PLXND1: variants seen among roughly 807,000 people sequenced by gnomAD.
The protein encoded by PLXND1 is plexin-D1.
A neutral mutation model predicts 197.7 loss-of-function variants in PLXND1; 54 were observed. That is an observed-to-expected ratio of 0.27 (90% CI 0.22 to 0.34). PLXND1 has a LOEUF of 0.34. PLXND1 is among the 10% of genes least tolerant of loss of function. The pLI is 1.00. For synonymous variants in PLXND1, 1,180 were observed against 1,161.2 expected (o/e 1.02, Z -0.33); for missense variants, 2,127 against 2,699.2 (o/e 0.79, Z 4.70).
At chr3:129,592,624 C>G (rs1021145413) in intron 1 of PLXND1, among the ~76,000 whole-genome samples, 2 of 152,152 alleles carry the variant, frequency 1.3e-5, no homozygotes, top group African/African-American at 2.4e-5. Context: ...CCCCCTCCCC[C>G]ACCCCGCGCT....
At position 129,569,939 on chromosome 3, in the gene PLXND1, T is replaced by C. The variant is rs1560065131; in HGVS notation, c.3769A>G (p.Asn1257Asp). Residue 1257 changes from asparagine (N) to aspartate (D), a missense_variant, in exon 20 of 36, where the codon AAC becomes GAC. By Grantham distance (23) the Asn-to-Asp change is conservative. Transcript: ENST00000324093. ...LPITIQVGNF[N>D]QTIATLQLGG... ...AGCTGCAGTGTGGCGATGGTCTGGTTGAAGTTCCCTACCTGGATCTGTGCA... is the reference window on the plus strand; with the variant it reads ...AGCTGCAGTGTGGCGATGGTCTGGTCGAAGTTCCCTACCTGGATCTGTGCA... The C allele has an allele frequency of 2.5e-6, 4 of 1,608,964 alleles. No individual in the cohort carries two copies. Among genetic ancestry groups the C allele is most frequent in the Non-Finnish European group, 3.4e-6 (4 of 1,175,518 alleles).
intron 1 of PLXND1, among the ~76,000 whole-genome samples, chr3:129,598,200 C>T (rs565691364): frequency 2.8e-4 from 43 of 152,334 alleles, no homozygotes; most frequent in African/African-American, 9.6e-4. Flanking sequence ...GCCTTTGCCC[C>T]TATCGTGTGC....
intron 1 of PLXND1, among the ~76,000 whole-genome samples, chr3:129,601,729 C>T (rs1191203067): frequency 2.6e-5 from 4 of 152,166 alleles, no homozygotes; most frequent in Admixed American, 6.5e-5. Context: ...TGTTGCTGAG[C>T]CTGACTCTGG....
At position 129,556,170 on chromosome 3, in the gene PLXND1, C is replaced by G; in HGVS notation, c.*142G>C. 1 of 687,262 alleles carries G rather than the reference C, an allele frequency of 1.5e-6. No individual in the cohort carries two copies. The highest frequency in any genetic ancestry group is 1.7e-5 in the South Asian group (1 of 60,244). The allele number at this position is 687,262 out of a possible 1,614,324, so 42.6% of individuals were successfully genotyped here. A position where few individuals can be genotyped will look rare whatever the true frequency, so the allele number is the denominator to read the frequency against. ...GCGGGGGCGCCCCTGTCTCAGAGAG[C>G]AGCCCCTCCTCCTGCCCCCGCCCCA... On this transcript the variant is annotated 3_prime_UTR_variant, in exon 36 of 36. Transcript: ENST00000324093.
At chr3:129,600,337 C>T (rs1368159151) in intron 1 of PLXND1, among the ~76,000 whole-genome samples, 4 of 152,220 alleles carry the variant, frequency 2.6e-5, no homozygotes, top group Admixed American at 1.3e-4. Context: ...CCTCTTGATA[C>T]TAATACCTGT....
At chr3:129,602,699 G>A (rs909414172) in intron 1 of PLXND1, among the ~76,000 whole-genome samples, 2 of 152,150 alleles carry the variant, frequency 1.3e-5, no homozygotes, top group Non-Finnish European at 2.9e-5. Flanking sequence ...AGCCAGATTA[G>A]GCAACTGCTC....
At chr3:129,598,442 A>C (rs1169171645) in intron 1 of PLXND1, among the ~76,000 whole-genome samples, 2 of 151,596 alleles carry the variant, frequency 1.3e-5, no homozygotes, top group African/African-American at 2.4e-5. Flanking sequence ...TACTCTAGAG[A>C]GCTCCCCACC....
At chr3:129,563,320 C>G in intron 25 of PLXND1, 80 bp from the exon 26 acceptor site, 1 of 1,221,614 alleles carries the variant, frequency 8.2e-7, no homozygotes, top group South Asian at 1.5e-5. Flanking sequence ...CCTTCACGCC[C>G]CCGTCCCCCA....
At chr3:129,568,954 C>A (rs2085181946) in intron 20 of PLXND1, among the ~76,000 whole-genome samples, 1 of 152,224 alleles carries the variant, frequency 6.6e-6, no homozygotes, top group Non-Finnish European at 1.5e-5. Context: ...AGCAGTCACT[C>A]CCCATTCGTG....
At position 129,575,866 on chromosome 3, in the gene PLXND1, C is replaced by T. The variant is rs1000078489; in HGVS notation, c.2347-11G>A. 36 of 1,585,136 alleles carry T rather than the reference C, an allele frequency of 2.3e-5. No homozygotes were observed. The highest frequency in any genetic ancestry group is 3.1e-5 in the Non-Finnish European group (36 of 1,154,792). On this transcript the variant is annotated splice_polypyrimidine_tract_variant and intron_variant, in intron 9 of 35. Transcript: ENST00000324093. ...CTCCAGGGCTGCACCCTGTGGGAAA[C>T]AGGGAGTGGGAGGCGGGTTTGAGGA...
intron 8 of PLXND1, 21 bp downstream of exon 8, chr3:129,583,546 G>C: frequency 6.5e-7 from 1 of 1,537,568 alleles, no homozygotes; most frequent in South Asian, 1.1e-5. Context: ...AGAGGCGGAG[G>C]GGCCCCCTAG....
chr3:129,572,432 C>T (rs1362200559), intron 15 of PLXND1, among the ~76,000 whole-genome samples, 177 bp downstream of exon 15: 1 of 152,242 alleles, frequency 6.6e-6, no homozygotes, highest in Non-Finnish European at 1.5e-5. Context: ...ATTACTGGTA[C>T]TATTCTTACC....
At position 129,562,873 on chromosome 3, in the gene PLXND1, A is replaced by G; in HGVS notation, c.4739T>C (p.Leu1580Pro). The change falls in exon 27 of 36, where the codon CTG (leucine) becomes CCG (proline). Residue 1580 changes from leucine (L) to proline (P), a missense_variant. Coordinates refer to ENST00000324093, the MANE Select transcript of PLXND1 (RefSeq NM_015103.3). ...CAGGATCTTCTCCTTGACCTGTGTC[A>G]GCGTGTCGGTGTCCATGGCCCGCAC... ...LSVRAMDTDT[L>P]TQVKEKILEA... The G allele has an allele frequency of 6.2e-7, 1 of 1,612,254 alleles. No individual in the cohort carries two copies. The highest frequency in any genetic ancestry group is 8.5e-7 in the Non-Finnish European group (1 of 1,178,442).
Position 129,560,387 on chromosome 3 carries a change from C to G in PLXND1, c.5076G>C (p.Gln1692His). Reference protein sequence around the residue: ...ELAEPKKSHRQSHRKKVLPEI... With the variant: ...ELAEPKKSHRHSHRKKVLPEI... ...CCGGGAGCACCTTCTTGCGATGGCTCTGCCGGTGAGACTTCTTGGGCTCCG... is the reference window on the plus strand; with the variant it reads ...CCGGGAGCACCTTCTTGCGATGGCTGTGCCGGTGAGACTTCTTGGGCTCCG... Residue 1692 changes from glutamine to histidine, a missense_variant, in exon 31 of 36, where the codon CAG becomes CAC. Gln to His is a conservative substitution (Grantham distance 24). Around this residue, in one of 6 missense-constraint regions of PLXND1, gnomAD observed 53 missense variants for 41.4 expected, o/e 1.28. Transcript: ENST00000324093. 4 of 1,614,090 alleles carry G rather than the reference C, an allele frequency of 2.5e-6. No individual in the cohort carries two copies. The highest frequency in any genetic ancestry group is 3.4e-6 in the Non-Finnish European group (4 of 1,179,966).
intron 30 of PLXND1, 91 bp downstream of exon 30, chr3:129,560,598 A>G (rs1455978286): frequency 1.9e-6 from 2 of 1,080,478 alleles, no homozygotes; most frequent in East Asian, 2.4e-5. Flanking sequence ...CAGGGCTGGG[A>G]GCACTTTTCC....
rs201200510 is a variant in PLXND1, at chr3:129,558,476, C to T, written c.5397G>A (p.Ala1799=). ...TGGAGCAGGCGTCGATGAAGGCCTG[C>T]GCGATGACTGAAAGGCAGGCGTCGA... ...DHIDACLSVI[A]QAFIDACSIS... Residue 1799 remains alanine, a synonymous_variant, in exon 33 of 36, where the codon GCG becomes GCA. Transcript: ENST00000324093. The surrounding 1 kb of genome is among the most constrained non-coding windows in gnomAD (Gnocchi z 4.1). 3.8e-5 allele frequency: 61 copies of T among 1,613,922 alleles called. No homozygotes were observed. The South Asian group carries it at 4.8e-4, about 13-fold the overall frequency.
chr3:129,578,488 G>A (rs1054994997), intron 8 of PLXND1, 55 bp from the exon 9 acceptor site: 1 of 1,124,850 alleles, frequency 8.9e-7, no homozygotes, highest in Non-Finnish European at 1.3e-6. Flanking sequence ...AGAAGAGGCA[G>A]GAGGACTCAC....
chr3:129,584,260 G>A, intron 6 of PLXND1, 27 bp from the exon 7 acceptor site: 1 of 1,593,894 alleles, frequency 6.3e-7, no homozygotes, highest in Non-Finnish European at 8.6e-7. Context: ...AGCCAGGGGA[G>A]GACATGGGGG....
rs776381490 is a variant in PLXND1, at chr3:129,559,853, G to A, written c.5134-70C>T. On this transcript the variant is annotated intron_variant, in intron 31 of 35. Coordinates refer to ENST00000324093, the MANE Select transcript of PLXND1 (RefSeq NM_015103.3). ...AGAGGGCTAGTGGGCACCCTTGGTGGCTCTGCGGAGCTTGAAATGCCAGGC... is the reference window on the plus strand; with the variant it reads ...AGAGGGCTAGTGGGCACCCTTGGTGACTCTGCGGAGCTTGAAATGCCAGGC... 8.9e-5 allele frequency: 115 copies of A among 1,288,686 alleles called. 1 individual carries two copies. The highest frequency in any genetic ancestry group is 1.2e-4 in the Non-Finnish European group (114 of 955,074). The allele number at this position is 1,288,686 out of a possible 1,614,324, so 79.8% of individuals were successfully genotyped here. A position where few individuals can be genotyped will look rare whatever the true frequency, so the allele number is the denominator to read the frequency against.
Sources: allele counts gnomAD v4.1 joint callset (sites outside exome capture counted in the v4.1 genomes callset), GRCh38; gene constraint gnomAD v4.1.1; regional missense constraint gnomAD v4.1.1; non-coding constraint Gnocchi (gnomAD v3.1); transcripts MANE v1.5; gene names NCBI Gene and HGNC (gene_info 2026-07-23, HGNC 2026-07-21).